Variants in GRM7 observed in about 807,000 individuals in gnomAD.
GRM7 encodes the protein metabotropic glutamate receptor 7.
Under a neutral mutation model 84.5 loss-of-function variants are expected in GRM7, and 35 were observed. The observed-to-expected ratio is 0.41, with a 90% CI of 0.32 to 0.55. The LOEUF is 0.55. GRM7 is among the 20% of genes least tolerant of loss of function. GRM7 has a pLI of 0.19. For missense variants in GRM7, 1,003 were observed against 1,194.6 expected (o/e 0.84, Z 2.36); for synonymous variants, 487 against 455.1 (o/e 1.07, Z -0.89).
At chr3:7,039,124 A>C (rs1696497395) in intron 1 of GRM7, among the ~76,000 whole-genome samples, 1 of 152,198 alleles carries the variant, frequency 6.6e-6, no homozygotes, top group Admixed American at 6.5e-5. Flanking sequence ...TAATAAAGCA[A>C]AAACTTTTAG....
Position 6,989,523 on chromosome 3 carries a change from C to T in GRM7, c.519+127616C>T, listed in dbSNP as rs146609051. Among the ~76,000 whole-genome samples, 160 of 152,292 alleles carry T rather than the reference C, an allele frequency of 1.1e-3. 2 individuals carry two copies. The highest frequency in any genetic ancestry group is 3.6e-3 in the African/African-American group (148 of 41,568). ...CTTACTCTTATCTCAGACTTTCTTC[C>T]TTCACAAACTTTCTTTCTTTTTCCA... On this transcript the variant is annotated intron_variant, in intron 1 of 9. Coordinates refer to ENST00000357716, the MANE Select transcript of GRM7 (RefSeq NM_000844.4).
At chr3:6,941,662 C>T (rs1255515686) in intron 1 of GRM7, among the ~76,000 whole-genome samples, 2 of 152,186 alleles carry the variant, frequency 1.3e-5, no homozygotes, top group South Asian at 2.1e-4. Context: ...TATTTGGTTT[C>T]GAGTGGTCTT....
chr3:7,172,583 C>T (rs1297724697), intron 2 of GRM7, among the ~76,000 whole-genome samples: 1 of 117,244 alleles, frequency 8.5e-6, no homozygotes, highest in African/African-American at 3.3e-5. Context: ...ATAAATATTA[C>T]ATATTTGTCC....
At chr3:7,554,473 G>C (rs970524378) in intron 7 of GRM7, among the ~76,000 whole-genome samples, 1 of 152,152 alleles carries the variant, frequency 6.6e-6, no homozygotes, top group Non-Finnish European at 1.5e-5. Context: ...TGACAACATC[G>C]AATGAGTAAT....
intron 5 of GRM7, among the ~76,000 whole-genome samples, chr3:7,428,076 A>G (rs749416077): frequency 1.1e-4 from 16 of 152,178 alleles, no homozygotes; most frequent in Non-Finnish European, 2.2e-4. Context: ...GGAGTGACCT[A>G]TATGTCTGTA....
chr3:6,993,342 T>C (rs1179727830), intron 1 of GRM7, among the ~76,000 whole-genome samples: 1 of 152,036 alleles, frequency 6.6e-6, no homozygotes, highest in African/African-American at 2.4e-5. Context: ...TTCTTGGAGG[T>C]ATCAAAAAGG....
At chr3:7,240,040 A>T (rs914132905) in intron 2 of GRM7, among the ~76,000 whole-genome samples, 2 of 151,326 alleles carry the variant, frequency 1.3e-5, no homozygotes, top group Admixed American at 6.6e-5. Context: ...TGTCCAATAA[A>T]GGCAGATATC....
At chr3:7,686,388 A>G in intron 9 of GRM7, 1 of 1,547,510 alleles carries the variant, frequency 6.5e-7, no homozygotes, top group East Asian at 2.2e-5. Context: ...AGAGTGTACA[A>G]AAGTCTGTTA....
At chr3:7,198,042 G>T (rs1208536940) in intron 2 of GRM7, among the ~76,000 whole-genome samples, 1 of 151,890 alleles carries the variant, frequency 6.6e-6, no homozygotes, top group Non-Finnish European at 1.5e-5. Context: ...TTTTGTTTTG[G>T]AAGTAGTGGA....
intron 1 of GRM7, among the ~76,000 whole-genome samples, chr3:6,948,126 T>C (rs1575052681): frequency 1.3e-5 from 2 of 152,166 alleles, no homozygotes; most frequent in Admixed American, 6.5e-5. Flanking sequence ...GTTGCTTCTC[T>C]AGTTCTTTTA....
chr3:7,251,626 T>C (rs914332446), intron 2 of GRM7, among the ~76,000 whole-genome samples: 35 of 152,170 alleles, frequency 2.3e-4, no homozygotes, highest in Non-Finnish European at 1.5e-5. Flanking sequence ...AGATCTGTCA[T>C]AGACCACTGA....
intron 8 of GRM7, chr3:7,607,605 A>G (rs1410714009): frequency 6.6e-6 from 1 of 152,136 alleles, no homozygotes; most frequent in East Asian, 1.9e-4. Flanking sequence ...TTTATCTTGT[A>G]ACCAAAGTAA....
intron 3 of GRM7, 86 bp downstream of exon 3, chr3:7,298,911 G>A (rs1699904412): frequency 8.5e-7 from 1 of 1,180,740 alleles, no homozygotes. Context: ...GACAGGAAAA[G>A]ATAGCATAAG....
chr3:7,358,322 G>T (rs1388910604), intron 4 of GRM7, among the ~76,000 whole-genome samples: 1 of 152,058 alleles, frequency 6.6e-6, no homozygotes, highest in Non-Finnish European at 1.5e-5. Context: ...CAGTTAATTA[G>T]GTCCAGCAAA....
intron 1 of GRM7, among the ~76,000 whole-genome samples, chr3:6,989,349 G>T (rs899648199): frequency 3.3e-5 from 5 of 152,230 alleles, no homozygotes; most frequent in Admixed American, 3.3e-4. Context: ...TTTTTTAAAG[G>T]TTATCCTAAG....
Position 6,861,244 on chromosome 3 carries a change from G to T in GRM7, c.-145G>T. The T allele has an allele frequency of 1.6e-6, 1 of 627,648 alleles. No homozygotes were observed. The highest frequency in any genetic ancestry group is 3.6e-5 in the South Asian group (1 of 27,484). 38.9% of individuals were successfully genotyped at this position (627,648 alleles called of 1,614,324 possible). On this transcript the variant is annotated 5_prime_UTR_variant, in exon 1 of 10. Coordinates refer to ENST00000357716, the MANE Select transcript of GRM7 (RefSeq NM_000844.4). This position sits in a 1 kb window ranked among gnomAD's most constrained non-coding sequence, Gnocchi z 6.4. ...GCGGGACCCCTCACCCTCTCTGGTC[G>T]CCCCTCCCCGGATTCCCCCACCCTC...
At chr3:7,646,472 G>A (rs559805964) in intron 8 of GRM7, among the ~76,000 whole-genome samples, 7 of 152,092 alleles carry the variant, frequency 4.6e-5, no homozygotes, top group Admixed American at 1.3e-4. Context: ...GATTACAGAC[G>A]TGAGCCGCCA....
intron 5 of GRM7, among the ~76,000 whole-genome samples, chr3:7,449,311 A>G (rs1404298177): frequency 6.6e-6 from 1 of 152,148 alleles, no homozygotes; most frequent in East Asian, 1.9e-4. Context: ...AACTTTAAAC[A>G]CTATTGAGAG....
chr3:6,985,161 A>G (rs1364511193), intron 1 of GRM7, among the ~76,000 whole-genome samples: 3 of 152,198 alleles, frequency 2.0e-5, no homozygotes, highest in Admixed American at 6.5e-5. Context: ...ACTGTGAAAT[A>G]AACATATCAC....
Sources: allele counts gnomAD v4.1 joint callset (sites outside exome capture counted in the v4.1 genomes callset), GRCh38; gene constraint gnomAD v4.1.1; non-coding constraint Gnocchi (gnomAD v3.1); transcripts MANE v1.5; gene names NCBI Gene and HGNC (gene_info 2026-07-23, HGNC 2026-07-21).